The following CACNA1A variants were observed in gnomAD, a reference collection of about 807,000 sequenced individuals.
CACNA1A encodes calcium voltage-gated channel subunit alpha1 A.
Under a neutral mutation model 262.4 loss-of-function variants are expected in CACNA1A, and 57 were observed. The observed-to-expected ratio is 0.22, with a 90% confidence interval of 0.18 to 0.27. The LOEUF is 0.27. Among genes scored for constraint, CACNA1A ranks in the 10% least tolerant of loss-of-function variants. The pLI, the probability that CACNA1A is intolerant of heterozygous loss-of-function variation, is 1.00. For synonymous variants in CACNA1A, 1,431 were observed against 1,419.3 expected (o/e 1.01, Z -0.18); for missense variants, 2,526 against 3,562.8 (o/e 0.71, Z 7.41).
chr19:13,227,552 A>C, intron 36 of CACNA1A, 25 bp from the exon 37 acceptor site: 1 of 1,389,498 alleles, frequency 7.2e-7, no homozygotes, highest in Non-Finnish European at 1.0e-6. Flanking sequence ...AATGAAAAAA[A>C]CAAAAACAAA....
intron 3 of CACNA1A, among the ~76,000 whole-genome samples, chr19:13,405,989 G>A (rs1226724203): frequency 2.6e-5 from 4 of 151,994 alleles, no homozygotes; most frequent in Non-Finnish European, 4.4e-5. Flanking sequence ...TTGCCTGGAT[G>A]GTCTTCCCTC....
rs2144973447 is a variant in CACNA1A at position 13,460,242 on chromosome 19, T to C, written c.294-5030A>G. On this transcript the variant is annotated intron_variant, in intron 1 of 46. Transcript: ENST00000360228. ...TGCATTTAAAAAGATCGCCAGGGGATTTGTGTGCACCGGGAAGTTTAGGAA... is the reference window on the plus strand; with the variant it reads ...TGCATTTAAAAAGATCGCCAGGGGACTTGTGTGCACCGGGAAGTTTAGGAA... Among the ~76,000 whole-genome samples the C allele has an allele frequency of 1.3e-5, 2 of 152,194 alleles. 1 individual carries two copies. Among genetic ancestry groups the C allele is most frequent in the South Asian group, 4.2e-4 (2 of 4,814 alleles).
Position 13,388,245 on chromosome 19 carries a change from C to CTT in CACNA1A, c.540-16468_540-16467dup, listed in dbSNP as rs1161893626. ...CTTGAAAAAACGATTTCTTCCTCTT[C>CTT]TTTTTTTTTTTTTTTTTTTTTTTTT... On this transcript the variant is annotated intron_variant, in intron 3 of 46. Coordinates refer to ENST00000360228, the MANE Select transcript of CACNA1A (RefSeq NM_001127222.2). 2.4e-3 allele frequency among the ~76,000 whole-genome samples: 208 copies of CTT among 85,712 alleles called. 9 individuals are homozygous for CTT. The highest frequency in any genetic ancestry group is 3.1e-3 in the Non-Finnish European group (146 of 47,316). 56.2% of individuals were successfully genotyped at this position (85,712 alleles called of 152,430 possible).
intron 5 of CACNA1A, chr19:13,363,625 G>A (rs138275150): frequency 3.3e-5 from 5 of 152,162 alleles, no homozygotes; most frequent in Admixed American, 6.5e-5. Context: ...CTGCCTCTGC[G>A]GATCCACTTG....
intron 9 of CACNA1A, among the ~76,000 whole-genome samples, chr19:13,331,865 G>T (rs1417393869): frequency 1.3e-5 from 2 of 151,908 alleles, no homozygotes; most frequent in East Asian, 3.9e-4. Flanking sequence ...TCATTATGTT[G>T]CCCAGGCTGG....
chr19:13,383,095 GGAGT>G (rs2059550419), intron 3 of CACNA1A, among the ~76,000 whole-genome samples: 1 of 152,174 alleles, frequency 6.6e-6, no homozygotes, highest in Admixed American at 6.5e-5. Context: ...AAAGGACCAC[GGAGT>G]GATGTTCATT....
intron 1 of CACNA1A, among the ~76,000 whole-genome samples, chr19:13,491,186 C>T (rs1398149035): frequency 6.6e-6 from 1 of 152,150 alleles, no homozygotes; most frequent in Admixed American, 6.5e-5. Flanking sequence ...TGTGCCTTCA[C>T]CTGTCTCATA....
At chr19:13,379,473 C>T (rs1397117451) in intron 3 of CACNA1A, among the ~76,000 whole-genome samples, 1 of 152,062 alleles carries the variant, frequency 6.6e-6, no homozygotes, top group Non-Finnish European at 1.5e-5. Context: ...ACCTGTATGA[C>T]AGATGTTAGG....
rs73509459 is a variant in CACNA1A, at chr19:13,209,228, C to G, written c.6526+84G>C. On this transcript the variant is annotated intron_variant, in intron 45 of 46. Coordinates refer to ENST00000360228, the MANE Select transcript of CACNA1A (RefSeq NM_001127222.2). ...CATGGAGGCCTCTCCCTTTCTTCTT[C>G]CTTAGTGTCTCCTCCGCCCTGCCTT... is the stretch of plus-strand genomic sequence containing the variant. The G allele has an allele frequency of 1.1e-4, 156 of 1,405,616 alleles. No individual in the cohort carries two copies. The East Asian group carries it at 3.5e-3, about 32-fold the overall frequency. 87.1% of individuals were successfully genotyped at this position (1,405,616 alleles called of 1,614,324 possible).
chr19:13,450,525 A>G (rs575622569), intron 3 of CACNA1A: 58 of 152,262 alleles, frequency 3.8e-4, no homozygotes, highest in African/African-American at 1.3e-3. Flanking sequence ...TCATTCATCA[A>G]TTGTGTCCAT....
chr19:13,228,857 C>T, intron 36 of CACNA1A: 1 of 920,066 alleles, frequency 1.1e-6, no homozygotes, highest in East Asian at 3.0e-5. Flanking sequence ...CCTGGGCACA[C>T]AGCGAGGTCA....
rs1426855600 is a variant in CACNA1A, at chr19:13,214,798, T to C, written c.5732-190A>G. ...GCTGCTGGAATGACCTTGTGGGCTC[T>C]GGTTTTCGGTGGGGCCAGGACCATG... On this transcript the variant is annotated intron_variant, in intron 38 of 46. Transcript: ENST00000360228. The surrounding 1 kb of genome is among the most constrained non-coding windows in gnomAD (Gnocchi z 4.1). The C allele has an allele frequency of 3.3e-6, 2 of 597,020 alleles. No individual in the cohort carries two copies. The highest frequency in any genetic ancestry group is 3.7e-5 in the African/African-American group (2 of 53,748). 37.0% of individuals were successfully genotyped at this position (597,020 alleles called of 1,614,324 possible). A position where few individuals can be genotyped will look rare whatever the true frequency, so the allele number is the denominator to read the frequency against.
At chr19:13,251,062 G>A (rs969336054) in intron 30 of CACNA1A, among the ~76,000 whole-genome samples, 2 of 151,548 alleles carry the variant, frequency 1.3e-5, no homozygotes, top group Non-Finnish European at 2.9e-5. Flanking sequence ...AACCCAGGAG[G>A]TGGAGGTTTC....
At chr19:13,418,355 C>CAG (rs2060260696) in intron 3 of CACNA1A, among the ~76,000 whole-genome samples, 1 of 152,096 alleles carries the variant, frequency 6.6e-6, no homozygotes, top group Non-Finnish European at 1.5e-5. Context: ...TCCCAGATGT[C>CAG]AGAACCTGAA....
intron 6 of CACNA1A, among the ~76,000 whole-genome samples, chr19:13,357,076 G>A (rs977602518): frequency 7.9e-5 from 12 of 152,280 alleles, no homozygotes; most frequent in Middle Eastern, 3.4e-3. Context: ...CGTGACAGGC[G>A]CAACTGTTCA....
rs752808137 is a variant in CACNA1A, at chr19:13,208,830, C to T, written c.6706G>A (p.Gly2236Ser). The T allele has an allele frequency of 1.1e-5, 17 of 1,488,530 alleles. No individual in the cohort carries two copies. Among genetic ancestry groups the T allele is most frequent in the South Asian group, 8.3e-5 (7 of 84,294 alleles). 92.2% of individuals were successfully genotyped at this position (1,488,530 alleles called of 1,614,324 possible). The change falls in exon 46 of 47, where the codon GGC becomes AGC. Residue 2236 changes from glycine to serine, a missense_variant. Gly to Ser is a moderately conservative substitution (Grantham distance 56). This residue lies in a region of CACNA1A where 929 missense variants were observed against 868.1 expected (regional missense o/e 1.07). Coordinates refer to ENST00000360228, the MANE Select transcript of CACNA1A (RefSeq NM_001127222.2). ...DRYAQERPDHGRARARDQRWS... is the reference protein window; with the variant it reads ...DRYAQERPDHSRARARDQRWS... ...CGCTGGTCCCGAGCCCGTGCCCGGC[C>T]GTGGTCCGGCCGTTCCTGGGCATAG...
chr19:13,309,244 G>A (rs565565140), intron 12 of CACNA1A, among the ~76,000 whole-genome samples: 47 of 151,970 alleles, frequency 3.1e-4, no homozygotes, highest in Non-Finnish European at 4.0e-4. Context: ...TCCTGACCTC[G>A]TGATCCGCCT....
intron 1 of CACNA1A, among the ~76,000 whole-genome samples, chr19:13,480,314 C>T (rs1979117409): frequency 6.6e-6 from 1 of 152,186 alleles, no homozygotes; most frequent in Admixed American, 6.5e-5. Flanking sequence ...AGGATGAAGA[C>T]CTTTATAATG....
At chr19:13,283,532 C>T in intron 21 of CACNA1A, 136 bp from the exon 22 acceptor site, 2 of 1,157,278 alleles carry the variant, frequency 1.7e-6, no homozygotes, top group Non-Finnish European at 2.4e-6. Context: ...AACTATTAAA[C>T]TCCTCCAGGT....
Sources: gnomAD v4.1 joint callset for allele counts (sites outside exome capture counted in the v4.1 genomes callset) on GRCh38, gnomAD v4.1.1 for gene constraint, gnomAD v4.1.1 regional missense constraint, Gnocchi (gnomAD v3.1) non-coding constraint, MANE v1.5 for transcripts, NCBI Gene and HGNC (gene_info 2026-07-23, HGNC 2026-07-21) for gene names.